The following SWI5 variants were observed in gnomAD, a reference collection of about 807,000 sequenced individuals.
SWI5 encodes DNA repair protein SWI5 homolog.
A neutral mutation model predicts 17.0 loss-of-function variants in SWI5; 12 were observed. That is an observed-to-expected ratio of 0.71 (90% CI 0.45 to 1.14). The LOEUF (loss-of-function observed/expected upper bound fraction) is 1.14. SWI5 is among the 50% of genes most tolerant of loss of function. The probability of loss-of-function intolerance (pLI) is 0.00; values close to 1 mark genes in which losing one functional copy is unlikely to be tolerated. For synonymous variants in SWI5, 61 were observed against 64.0 expected (o/e 0.95, Z 0.22); for missense variants, 158 against 162.2 (o/e 0.97, Z 0.14).
chr9:128,276,891 C>G (rs571943842), intron 2 of SWI5, 136 bp downstream of exon 2: 3 of 905,592 alleles, frequency 3.3e-6, no homozygotes, highest in Non-Finnish European at 3.4e-6. Context: ...GACTGAGAAC[C>G]GCCAGGTCAT....
Position 128,285,800 on chromosome 9 carries a change from C to A in SWI5, c.234-139C>A. On this transcript the variant is annotated intron_variant, in intron 3 of 4. Transcript: ENST00000418976. The surrounding 1 kb of genome is among the most constrained non-coding windows in gnomAD (Gnocchi z 4.8). Reference sequence around the variant, plus strand: ...TGCTGTAAGCTTCATGAGGGCAGGGCCTATCTTGCTGTCACCATATCCCTA... The same window carrying A: ...TGCTGTAAGCTTCATGAGGGCAGGGACTATCTTGCTGTCACCATATCCCTA... The A allele has an allele frequency of 1.7e-6, 1 of 601,150 alleles. No homozygotes were observed. Among genetic ancestry groups the A allele is most frequent in the Non-Finnish European group, 3.0e-6 (1 of 330,234 alleles). The allele number at this position is 601,150 out of a possible 1,614,324, so 37.2% of individuals were successfully genotyped here.
At chr9:128,280,626 G>A (rs938235181) in intron 2 of SWI5, among the ~76,000 whole-genome samples, 3 of 151,422 alleles carry the variant, frequency 2.0e-5, no homozygotes, top group South Asian at 2.1e-4. Flanking sequence ...CAAGCGATTC[G>A]CCTACCTCAG....
exon 2 of SWI5, chr9:128,276,736 G>C (rs750569237): frequency 9.5e-5 from 154 of 1,612,796 alleles, no homozygotes; most frequent in Non-Finnish European, 1.2e-4. Context: ...CGAAGTTGCC[G>C]CGGGGCCTTC....
In SWI5 at chr9:128,285,493, C is replaced by G. The variant is rs960031398; in HGVS notation, c.234-446C>G. Among the ~76,000 whole-genome samples the G allele has an allele frequency of 6.6e-6, 1 of 152,228 alleles. No individual in the cohort carries two copies. The highest frequency in any genetic ancestry group is 1.5e-5 in the Non-Finnish European group (1 of 68,042). On this transcript the variant is annotated intron_variant, in intron 3 of 4. Transcript: ENST00000418976. This position sits in a 1 kb window ranked among gnomAD's most constrained non-coding sequence, Gnocchi z 4.8. ...TGCTTCCCTCTGCACAGACTCCATTCTCTCCCTGCAGGTGGAGTTTTCAGT... is the reference window on the plus strand; with the variant it reads ...TGCTTCCCTCTGCACAGACTCCATTGTCTCCCTGCAGGTGGAGTTTTCAGT...
At chr9:128,284,679 G>C (rs1342035981) in intron 3 of SWI5, 48 bp downstream of exon 3, 19 of 1,599,110 alleles carry the variant, frequency 1.2e-5, no homozygotes, top group Non-Finnish European at 1.5e-5. Context: ...CTTTGGGCTA[G>C]GCATAGTGGT....
Position 128,285,264 on chromosome 9 carries a change from GAAGGAAGGAAGGGA to G in SWI5, c.233+646_234-649del, listed in dbSNP as rs985613338. Reference sequence around the variant, plus strand: ...AAGAAGGAAAGGGGGGAAGGAAAGGGAAGGAAGGAAGGGAAAGGAAGGAAGGAAGGAAAGGAAGG... The same window carrying G: ...AAGAAGGAAAGGGGGGAAGGAAAGGGAAGGAAGGAAGGAAGGAAAGGAAGG... On this transcript the variant is annotated intron_variant, in intron 3 of 4. Coordinates refer to ENST00000418976, the Ensembl canonical transcript of SWI5. The surrounding 1 kb of genome is among the most constrained non-coding windows in gnomAD (Gnocchi z 4.8). Among the ~76,000 whole-genome samples the G allele has an allele frequency of 1.3e-5, 2 of 150,938 alleles. No homozygotes were observed. Among genetic ancestry groups the G allele is most frequent in the Non-Finnish European group, 3.0e-5 (2 of 67,710 alleles).
At chr9:128,284,146 G>C (rs975563591) in intron 2 of SWI5, among the ~76,000 whole-genome samples, 1 of 151,486 alleles carries the variant, frequency 6.6e-6, no homozygotes. Flanking sequence ...AAAATTAGCC[G>C]GGCATGGTGG....
intron 2 of SWI5, among the ~76,000 whole-genome samples, chr9:128,282,094 T>G (rs1164040816): frequency 1.3e-5 from 2 of 151,726 alleles, no homozygotes; most frequent in Non-Finnish European, 2.9e-5. Context: ...AAAGAAAAAT[T>G]AAATTTAAAA....
At chr9:128,282,811 G>A (rs1831564480) in intron 2 of SWI5, among the ~76,000 whole-genome samples, 1 of 152,226 alleles carries the variant, frequency 6.6e-6, no homozygotes, top group Admixed American at 6.5e-5. Context: ...CTAGGCACTG[G>A]CCTTCACAGC....
intron 2 of SWI5, among the ~76,000 whole-genome samples, chr9:128,277,502 C>T (rs925025838): frequency 6.6e-6 from 1 of 152,098 alleles, no homozygotes; most frequent in South Asian, 2.1e-4. Context: ...TGCAGTAAGC[C>T]GAGATTGCAC....
At chr9:128,275,847 G>GTGGGGC (rs1831315545), upstream of SWI5, 6 of 1,005,032 alleles carry the variant, frequency 6.0e-6, no homozygotes, top group South Asian at 2.8e-5. Context: ...TGCCATCGGA[G>GTGGGGC]TGGGGCTGGG....
Position 128,285,847 on chromosome 9 carries a change from A to C in SWI5, c.234-92A>C. 1 of 843,770 alleles carries C rather than the reference A, an allele frequency of 1.2e-6. No individual in the cohort carries two copies. The highest frequency in any genetic ancestry group is 2.0e-6 in the Non-Finnish European group (1 of 498,082). The allele number at this position is 843,770 out of a possible 1,614,324, so 52.3% of individuals were successfully genotyped here. A position where few individuals can be genotyped will look rare whatever the true frequency, so the allele number is the denominator to read the frequency against. On this transcript the variant is annotated intron_variant, in intron 3 of 4. Transcript: ENST00000418976. The surrounding 1 kb of genome is among the most constrained non-coding windows in gnomAD (Gnocchi z 4.8). ...CCTAGTACCTATCACCGAGTAGGCCATTACAGATGCCTTATTACTATCTGA... is the reference window on the plus strand; with the variant it reads ...CCTAGTACCTATCACCGAGTAGGCCCTTACAGATGCCTTATTACTATCTGA...
At chr9:128,284,399 G>T (rs1303641662) in intron 2 of SWI5, 111 bp from the exon 3 acceptor site, 29 of 1,343,348 alleles carry the variant, frequency 2.2e-5, no homozygotes, top group Non-Finnish European at 2.8e-5. Flanking sequence ...TTATTGAGGG[G>T]GTTAGGGTGC....
At chr9:128,277,948 C>CTTTTTTTTTTTTTTTTTTTTTT (rs71381748) in intron 2 of SWI5, among the ~76,000 whole-genome samples, 1 of 80,862 alleles carries the variant, frequency 1.2e-5, no homozygotes. Flanking sequence ...CATTCCTTCT[C>CTTTTTTTTTTTTTTTTTTTTTT]TTTTTTTTTT....
chr9:128,288,738 C>T (rs746431975), exon 5 of SWI5: 1 of 1,613,526 alleles, frequency 6.2e-7, no homozygotes, highest in Admixed American at 1.7e-5. Context: ...GCCCCTTGTC[C>T]ACAGCTCCCA....
At chr9:128,281,725 T>C (rs2131419373) in intron 2 of SWI5, among the ~76,000 whole-genome samples, 1 of 152,332 alleles carries the variant, frequency 6.6e-6, no homozygotes, top group South Asian at 2.1e-4. Flanking sequence ...TGTAAAGCAA[T>C]GTAAGGCAAT....
chr9:128,288,532 C>T, intron 4 of SWI5, 120 bp from the exon 5 acceptor site: 2 of 1,009,050 alleles, frequency 2.0e-6, no homozygotes, highest in South Asian at 2.8e-5. Flanking sequence ...AGTGTGGGGA[C>T]TGGCTTGAAG....
intron 1 of SWI5, 120 bp downstream of exon 1, chr9:128,276,522 T>C (rs1831384275): frequency 1.3e-6 from 2 of 1,568,374 alleles, no homozygotes; most frequent in Non-Finnish European, 1.7e-6. Context: ...AACCCCCGTC[T>C]CAGAACGCCC....
At chr9:128,276,279 T>A in exon 1 of SWI5, 1 of 1,612,808 alleles carries the variant, frequency 6.2e-7, no homozygotes, top group Non-Finnish European at 8.5e-7. Flanking sequence ...GTGCGCCAGT[T>A]CACACTCCGG....
Sources: gnomAD v4.1 joint callset for allele counts (sites outside exome capture counted in the v4.1 genomes callset) on GRCh38, gnomAD v4.1.1 for gene constraint, Gnocchi (gnomAD v3.1) non-coding constraint, MANE v1.5 for transcripts, NCBI Gene and HGNC (gene_info 2026-07-23, HGNC 2026-07-21) for gene names.